The following HIVEP2 variants were observed in gnomAD, a reference collection of about 807,000 sequenced individuals.
The protein encoded by HIVEP2 is transcription factor HIVEP2.
Under a neutral mutation model 180.7 loss-of-function variants are expected in HIVEP2, and 14 were observed. The ratio of observed to expected loss-of-function variants is 0.08; its 90% CI spans 0.05 to 0.12. The LOEUF is 0.12. Among genes scored for constraint, HIVEP2 ranks in the 10% least tolerant of loss-of-function variants. The pLI is 1.00. For missense variants in HIVEP2, 2,579 were observed against 3,008.5 expected (o/e 0.86, Z 3.34); for synonymous variants, 1,184 against 1,136.4 (o/e 1.04, Z -0.84).
At chr6:142,931,251 C>T (rs1051739495) in intron 1 of HIVEP2, among the ~76,000 whole-genome samples, 1 of 151,578 alleles carries the variant, frequency 6.6e-6, no homozygotes, top group Non-Finnish European at 1.5e-5. Context: ...TTATTGTATG[C>T]GTTTAAACTA....
intron 1 of HIVEP2, among the ~76,000 whole-genome samples, chr6:142,842,622 C>T (rs905321643): frequency 6.6e-6 from 1 of 152,068 alleles, no homozygotes; most frequent in Non-Finnish European, 1.5e-5. Context: ...TGAAGAACCA[C>T]GTAGAAAATG....
chr6:142,904,459 G>A (rs1777214087), intron 1 of HIVEP2, among the ~76,000 whole-genome samples: 1 of 152,084 alleles, frequency 6.6e-6, no homozygotes, highest in South Asian at 2.1e-4. Flanking sequence ...ACTTGAAAAG[G>A]CAAAATTAAG....
At chr6:142,808,478 A>AT (rs1302889520) in intron 2 of HIVEP2, among the ~76,000 whole-genome samples, 25 of 145,954 alleles carry the variant, frequency 1.7e-4, no homozygotes, top group Admixed American at 3.4e-4. Flanking sequence ...GAGATGTGGG[A>AT]GGGATGGATG....
intron 2 of HIVEP2, among the ~76,000 whole-genome samples, chr6:142,822,601 TC>T (rs1777069701): frequency 6.6e-6 from 1 of 152,186 alleles, no homozygotes; most frequent in Admixed American, 6.5e-5. Flanking sequence ...ACAGTTTTTT[TC>T]TCAACCAAAT....
intron 2 of HIVEP2, among the ~76,000 whole-genome samples, chr6:142,821,353 G>T (rs1191303281): frequency 6.6e-6 from 1 of 151,968 alleles, no homozygotes; most frequent in Non-Finnish European, 1.5e-5. Context: ...AGACAGATTG[G>T]ACAACTATGG....
At chr6:142,922,619 ATAAACG>A (rs374810796) in intron 1 of HIVEP2, among the ~76,000 whole-genome samples, 39 of 152,270 alleles carry the variant, frequency 2.6e-4, no homozygotes, top group African/African-American at 8.9e-4. Context: ...GGCTAAGGGG[ATAAACG>A]TAACTTGCCA....
intron 1 of HIVEP2, among the ~76,000 whole-genome samples, chr6:142,910,545 T>C (rs967898849): frequency 3.9e-5 from 6 of 152,244 alleles, no homozygotes; most frequent in African/African-American, 1.4e-4. Flanking sequence ...GAGGTTGCAG[T>C]GAGCCAAGAT....
chr6:142,761,253 C>G (rs1480547664), intron 8 of HIVEP2, among the ~76,000 whole-genome samples: 1 of 152,142 alleles, frequency 6.6e-6, no homozygotes, highest in Non-Finnish European at 1.5e-5. Flanking sequence ...AAAGTAAGGC[C>G]TTTTTTGCCC....
chr6:142,800,894 CT>C (rs1425083917), intron 2 of HIVEP2, among the ~76,000 whole-genome samples: 1 of 152,064 alleles, frequency 6.6e-6, no homozygotes, highest in Non-Finnish European at 1.5e-5. Flanking sequence ...ATAATTTTAT[CT>C]TTTGTTGCTT....
rs1778283842 is a variant in HIVEP2 at position 142,945,012 on chromosome 6, G to T, written c.-641+87C>A. 1 of 148,310 alleles carries T rather than the reference G, an allele frequency of 6.7e-6. No individual in the cohort carries two copies. The highest frequency in any genetic ancestry group is 2.1e-4 in the South Asian group (1 of 4,836). The allele number at this position is 148,310 out of a possible 1,614,324, so 9.2% of individuals were successfully genotyped here. On this transcript the variant is annotated intron_variant, in intron 1 of 9. Coordinates refer to ENST00000367603, the MANE Select transcript of HIVEP2 (RefSeq NM_006734.4). The surrounding 1 kb of genome is among the most constrained non-coding windows in gnomAD (Gnocchi z 5.5). The stretch of plus-strand genomic sequence containing the variant: ...CAGAGCCAGCGCCTTCGCTGCGCTC[G>T]CTCGGCCGCAGGCCGGCGGCCCGGG...
intron 1 of HIVEP2, among the ~76,000 whole-genome samples, chr6:142,873,669 A>G (rs542292803): frequency 3.9e-5 from 6 of 152,154 alleles, no homozygotes; most frequent in Admixed American, 3.9e-4. Context: ...GCATGATCAT[A>G]TAGCGCTAGG....
intron 2 of HIVEP2, among the ~76,000 whole-genome samples, chr6:142,787,602 T>A (rs1164705437): frequency 6.7e-6 from 1 of 149,316 alleles, no homozygotes; most frequent in Non-Finnish European, 1.5e-5. Flanking sequence ...ATGGGCCCAT[T>A]GTTCCACTCT....
At chr6:142,828,339 C>G (rs758038327) in intron 2 of HIVEP2, among the ~76,000 whole-genome samples, 1 of 152,202 alleles carries the variant, frequency 6.6e-6, no homozygotes, top group Admixed American at 6.5e-5. Flanking sequence ...AACTTCCCCA[C>G]TTTTGCAGTG....
chr6:142,782,525 C>T (rs966899851), intron 3 of HIVEP2, among the ~76,000 whole-genome samples: 2 of 152,142 alleles, frequency 1.3e-5, no homozygotes, highest in Non-Finnish European at 2.9e-5. Flanking sequence ...AAGGTGGCTT[C>T]CTGAGAGCCA....
chr6:142,810,708 G>A (rs1739448637), intron 2 of HIVEP2, among the ~76,000 whole-genome samples: 1 of 146,500 alleles, frequency 6.8e-6, no homozygotes, highest in Admixed American at 6.9e-5. Flanking sequence ...GTTGCAGTGA[G>A]CTAAGATCGC....
chr6:142,759,856 T>C lies in HIVEP2; in HGVS notation c.6432A>G (p.Pro2144=), dbSNP rs1775177211. The C allele has an allele frequency of 1.9e-6, 3 of 1,614,022 alleles. No individual in the cohort carries two copies. The highest frequency in any genetic ancestry group is 1.1e-5 in the South Asian group (1 of 91,092). ...ERRYMTTIRA[P]SPRRALYHNP... is the part of the protein sequence containing the mutation. ...TATGGTATAAAGCCCTTCTGGGAGA[T>C]GGCGCTCTTATTGTGGTCATGTATC... Residue 2144 remains proline, a synonymous_variant, in exon 9 of 10, where the codon CCA becomes CCG. Transcript: ENST00000367603.
intron 1 of HIVEP2, among the ~76,000 whole-genome samples, chr6:142,894,124 GAGT>G (rs1776927515): frequency 6.6e-6 from 1 of 152,160 alleles, no homozygotes; most frequent in Non-Finnish European, 1.5e-5. Flanking sequence ...ATAAATAGTA[GAGT>G]TGCCATTTTA....
chr6:142,858,627 C>T (rs1030600497), intron 1 of HIVEP2, among the ~76,000 whole-genome samples: 9 of 151,784 alleles, frequency 5.9e-5, no homozygotes, highest in African/African-American at 1.7e-4. Flanking sequence ...GTTTCACTCT[C>T]GTTGCCCAGG....
chr6:142,834,321 T>A (rs2114872308), intron 2 of HIVEP2, among the ~76,000 whole-genome samples: 1 of 152,334 alleles, frequency 6.6e-6, no homozygotes, highest in Admixed American at 6.5e-5. Context: ...TTGGACTTCC[T>A]AATTTAAAGT....
Sources: allele counts gnomAD v4.1 joint callset (sites outside exome capture counted in the v4.1 genomes callset), GRCh38; gene constraint gnomAD v4.1.1; non-coding constraint Gnocchi (gnomAD v3.1); transcripts MANE v1.5; gene names NCBI Gene and HGNC (gene_info 2026-07-23, HGNC 2026-07-21).